The following SNX10 variants were observed in gnomAD, a reference collection of about 807,000 sequenced individuals.
SNX10 encodes sorting nexin-10.
SNX10 carries 25 observed loss-of-function variants against 28.5 expected under a neutral mutation model. The ratio of observed to expected loss-of-function variants is 0.88; its 90% CI spans 0.64 to 1.22. The LOEUF (loss-of-function observed/expected upper bound fraction) is 1.22, where lower values mean the gene tolerates loss of function less well. Among genes scored for constraint, SNX10 ranks in the 50% most tolerant of loss-of-function variants. The pLI is 0.00. For synonymous variants in SNX10, 62 were observed against 81.4 expected (o/e 0.76, Z 1.28); for missense variants, 223 against 242.6 (o/e 0.92, Z 0.54).
At chr7:26,346,598 G>T in intron 2 of SNX10, 132 bp downstream of exon 2, 1 of 739,920 alleles carries the variant, frequency 1.4e-6, no homozygotes, top group Non-Finnish European at 2.5e-6. Flanking sequence ...CCACCCTCCT[G>T]TACCTGCTCC....
chr7:26,370,651 T>C (rs1046809096), intron 5 of SNX10: 1 of 152,218 alleles, frequency 6.6e-6, no homozygotes, highest in Non-Finnish European at 1.5e-5. Context: ...GACCTTGGAT[T>C]TTCACTAAAT....
At position 26,335,097 on chromosome 7, in the gene SNX10, A is replaced by G. The variant is rs78902957; in HGVS notation, c.-23-11323A>G. Among the ~76,000 whole-genome samples the G allele has an allele frequency of 1.6e-3, 245 of 152,300 alleles. 2 individuals are homozygous for G. Among genetic ancestry groups the G allele is most frequent in the East Asian group, 0.016 (82 of 5,184 alleles). ...ATGTTAAGGACACTGTGCACAGGGA[A>G]CCTCAGAGATGCTGGACACGGAAGC... On this transcript the variant is annotated intron_variant, in intron 1 of 6. Coordinates refer to ENST00000338523, the MANE Select transcript of SNX10 (RefSeq NM_013322.3).
At chr7:26,365,230 T>C in intron 5 of SNX10, 85 bp downstream of exon 5, 1 of 793,298 alleles carries the variant, frequency 1.3e-6, no homozygotes, top group Non-Finnish European at 2.2e-6. Context: ...GGGAAGAGTG[T>C]TCCTGTTTCT....
intron 1 of SNX10, among the ~76,000 whole-genome samples, chr7:26,331,841 T>A (rs183654260): frequency 6.6e-6 from 1 of 152,232 alleles, no homozygotes. Context: ...TGGACTTTCA[T>A]GTGAATGGAG....
At position 26,364,609 on chromosome 7, in the gene SNX10, G is replaced by C; in HGVS notation, c.186G>C (p.Gln62His). The C allele has an allele frequency of 1.9e-6, 3 of 1,613,814 alleles. No individual in the cohort carries two copies. The highest frequency in any genetic ancestry group is 2.5e-6 in the Non-Finnish European group (3 of 1,179,736). The change falls in exon 4 of 7, where the codon CAG (glutamine) becomes CAC (histidine). Residue 62 changes from glutamine to histidine, a missense_variant. Gln to His is a conservative substitution (Grantham distance 24, BLOSUM62 0). Transcript: ENST00000338523. The surrounding 1 kb of genome is among the most constrained non-coding windows in gnomAD (Gnocchi z 4.9). ...RRYREFVWLR[Q>H]RLQSNALLVQ... ...ATAGAGAATTCGTGTGGCTGAGGCA[G>C]AGACTCCAAAGTAATGCGTTGCTGG...
At chr7:26,339,194 C>A (rs1360444235) in intron 1 of SNX10, among the ~76,000 whole-genome samples, 2 of 152,200 alleles carry the variant, frequency 1.3e-5, no homozygotes, top group Non-Finnish European at 2.9e-5. Context: ...ATAAGGACAT[C>A]TTAAGCGTTA....
At chr7:26,311,220 A>G (rs1388116866) in intron 1 of SNX10, among the ~76,000 whole-genome samples, 1 of 152,168 alleles carries the variant, frequency 6.6e-6, no homozygotes, top group Non-Finnish European at 1.5e-5. Context: ...TCAGGATCTC[A>G]GCTCAGTACA....
At chr7:26,299,525 AG>A (rs1786251331) in intron 1 of SNX10, among the ~76,000 whole-genome samples, 1 of 149,830 alleles carries the variant, frequency 6.7e-6, no homozygotes, top group South Asian at 2.1e-4. Flanking sequence ...CTGCCTCCCA[AG>A]TTCAAGCAGT....
intron 1 of SNX10, among the ~76,000 whole-genome samples, chr7:26,308,037 C>T (rs1285918728): frequency 6.6e-6 from 1 of 152,222 alleles, no homozygotes; most frequent in African/African-American, 2.4e-5. Flanking sequence ...TTTTGTTCTT[C>T]AGGGACTTCC....
intron 1 of SNX10, among the ~76,000 whole-genome samples, chr7:26,308,375 C>T (rs1000847911): frequency 3.3e-5 from 5 of 152,198 alleles, no homozygotes; most frequent in African/African-American, 1.2e-4. Flanking sequence ...CCAAGCGGCC[C>T]AGAAGAATCT....
At chr7:26,292,311 G>C (rs1288772099) in intron 1 of SNX10, among the ~76,000 whole-genome samples, 6 of 152,218 alleles carry the variant, frequency 3.9e-5, no homozygotes, top group Non-Finnish European at 7.3e-5. Context: ...AGAGCGGGGA[G>C]ATGGAGCGCG....
chr7:26,354,389 A>T (rs1788735400), intron 2 of SNX10, among the ~76,000 whole-genome samples: 1 of 152,158 alleles, frequency 6.6e-6, no homozygotes, highest in South Asian at 2.1e-4. Context: ...TCTCTTGTTG[A>T]GGCTGGAGTG....
intron 1 of SNX10, among the ~76,000 whole-genome samples, chr7:26,326,949 CTTTTT>C (rs34664332): frequency 1.7e-5 from 2 of 119,808 alleles, no homozygotes; most frequent in African/African-American, 3.2e-5. Context: ...TGTTAATTAT[CTTTTT>C]TTTTTTTTTT....
chr7:26,347,342 A>G (rs1401083177), intron 2 of SNX10, among the ~76,000 whole-genome samples: 1 of 152,064 alleles, frequency 6.6e-6, no homozygotes, highest in Non-Finnish European at 1.5e-5. Flanking sequence ...GGGCTTCCCC[A>G]TTTTCAAAGG....
chr7:26,366,015 A>T (rs116018664), intron 5 of SNX10, among the ~76,000 whole-genome samples: 2 of 152,324 alleles, frequency 1.3e-5, no homozygotes, highest in African/African-American at 4.8e-5. Flanking sequence ...TGCTATCTTC[A>T]TGTTGGCTGT....
At chr7:26,369,793 T>C (rs1400620108) in intron 5 of SNX10, among the ~76,000 whole-genome samples, 1 of 152,138 alleles carries the variant, frequency 6.6e-6, no homozygotes, top group Non-Finnish European at 1.5e-5. Flanking sequence ...AAATTGGAAA[T>C]TGAATTATAG....
chr7:26,368,060 A>AG (rs935285905), intron 5 of SNX10, among the ~76,000 whole-genome samples: 1 of 152,222 alleles, frequency 6.6e-6, no homozygotes, highest in African/African-American at 2.4e-5. Context: ...ATCTTTGTAG[A>AG]GGAATTGGAA....
intron 1 of SNX10, among the ~76,000 whole-genome samples, chr7:26,320,685 G>A (rs1787278566): frequency 2.0e-5 from 3 of 152,094 alleles, no homozygotes; most frequent in African/African-American, 7.2e-5. Context: ...GCCTGCCTCG[G>A]CCTCCCAAAG....
intron 5 of SNX10, among the ~76,000 whole-genome samples, chr7:26,368,526 T>C (rs1789383200): frequency 6.6e-6 from 1 of 152,230 alleles, no homozygotes; most frequent in African/African-American, 2.4e-5. Flanking sequence ...TAGGTTTGAA[T>C]AGATTTGTTC....
Sources: allele counts gnomAD v4.1 joint callset (sites outside exome capture counted in the v4.1 genomes callset), GRCh38; gene constraint gnomAD v4.1.1; non-coding constraint Gnocchi (gnomAD v3.1); transcripts MANE v1.5; gene names NCBI Gene and HGNC (gene_info 2026-07-23, HGNC 2026-07-21).